Variants in PLCB1 observed in about 807,000 individuals in gnomAD.
PLCB1 encodes the protein phospholipase C beta 1.
Under a neutral mutation model 161.8 loss-of-function variants are expected in PLCB1, and 46 were observed. That is an observed-to-expected ratio of 0.28 (90% CI 0.22 to 0.36). The LOEUF is 0.36. Among genes scored for constraint, PLCB1 ranks in the 10% least tolerant of loss-of-function variants. PLCB1 has a pLI of 1.00. For missense variants in PLCB1, 1,016 were observed against 1,472.5 expected, an observed-to-expected ratio of 0.69 and a Z score of 5.07; for synonymous variants, 517 against 503.7, an observed-to-expected ratio of 1.03 and a Z score of -0.35.
chr20:8,367,069 G>T (rs573797631), intron 2 of PLCB1, among the ~76,000 whole-genome samples: 1 of 152,150 alleles, frequency 6.6e-6, no homozygotes, highest in Non-Finnish European at 1.5e-5. Context: ...ATCCTAAAGA[G>T]AAATTATTAA....
chr20:8,178,171 T>C (rs1039501843), intron 2 of PLCB1, among the ~76,000 whole-genome samples: 2 of 152,240 alleles, frequency 1.3e-5, no homozygotes, highest in African/African-American at 2.4e-5. Context: ...TGTGCATATG[T>C]CTTTATGATA....
At chr20:8,627,050 A>G (rs1988371744) in intron 3 of PLCB1, among the ~76,000 whole-genome samples, 1 of 152,154 alleles carries the variant, frequency 6.6e-6, no homozygotes, top group South Asian at 2.1e-4. Flanking sequence ...TGATCTTTCT[A>G]GGAGGCTTGA....
chr20:8,855,041 TTCTC>T (rs1987024378), intron 31 of PLCB1, among the ~76,000 whole-genome samples: 1 of 152,326 alleles, frequency 6.6e-6, no homozygotes, highest in African/African-American at 2.4e-5. Flanking sequence ...AATTTAAAAT[TTCTC>T]TCTGTTGCAG....
intron 3 of PLCB1, among the ~76,000 whole-genome samples, chr20:8,454,930 C>T (rs1330849111): frequency 1.3e-5 from 2 of 151,950 alleles, no homozygotes; most frequent in African/African-American, 2.4e-5. Context: ...ATGTCTTGAA[C>T]GTGGTCTGGT....
At chr20:8,178,751 G>A (rs975143772) in intron 2 of PLCB1, among the ~76,000 whole-genome samples, 1 of 152,130 alleles carries the variant, frequency 6.6e-6, no homozygotes, top group Non-Finnish European at 1.5e-5. Context: ...TTCTTCAGGG[G>A]TATTTACAGT....
intron 2 of PLCB1, among the ~76,000 whole-genome samples, chr20:8,242,710 A>G (rs1980685205): frequency 6.6e-6 from 1 of 151,946 alleles, no homozygotes; most frequent in Non-Finnish European, 1.5e-5. Context: ...GAAAGAAGGA[A>G]AAGCAGGATT....
chr20:8,226,870 G>A (rs1015580400), intron 2 of PLCB1, among the ~76,000 whole-genome samples: 1 of 151,956 alleles, frequency 6.6e-6, no homozygotes, highest in Non-Finnish European at 1.5e-5. Context: ...TGTATTTTTA[G>A]TAGAGACAGA....
intron 2 of PLCB1, among the ~76,000 whole-genome samples, chr20:8,357,311 A>T (rs1443293400): frequency 6.6e-6 from 1 of 152,182 alleles, no homozygotes; most frequent in Non-Finnish European, 1.5e-5. Flanking sequence ...AGCATATAGG[A>T]CCCAACTTCA....
intron 3 of PLCB1, among the ~76,000 whole-genome samples, chr20:8,452,017 CTA>C (rs1275503374): frequency 1.3e-5 from 2 of 151,962 alleles, no homozygotes; most frequent in African/African-American, 4.8e-5. Flanking sequence ...GAATTCTTTC[CTA>C]TTTTTAAAAT....
chr20:8,171,818 C>T (rs1280697188), intron 2 of PLCB1, among the ~76,000 whole-genome samples: 1 of 152,178 alleles, frequency 6.6e-6, no homozygotes, highest in Non-Finnish European at 1.5e-5. Context: ...AGAAATTCAT[C>T]TGAGAGCAGG....
At chr20:8,269,854 A>C (rs1982184711) in intron 2 of PLCB1, among the ~76,000 whole-genome samples, 2 of 152,120 alleles carry the variant, frequency 1.3e-5, no homozygotes, top group Admixed American at 1.3e-4. Context: ...AATAAATAAT[A>C]ATGTAAACAT....
At position 8,833,125 on chromosome 20, in the gene PLCB1, A is replaced by C. The variant is rs530594467; in HGVS notation, c.3423+42864A>C. ...GGTCTTCCATGTGGGCCCTAAATCC[A>C]ATGATGTGTGTATTAGTCTGTTCTC... On this transcript the variant is annotated intron_variant, in intron 31 of 31. Transcript: ENST00000338037. Among the ~76,000 whole-genome samples the C allele has an allele frequency of 5.3e-5, 8 of 152,344 alleles. No homozygotes were observed. The East Asian group carries it at 1.5e-3, about 29-fold the overall frequency.
intron 3 of PLCB1, among the ~76,000 whole-genome samples, chr20:8,394,812 TC>T (rs1987715592): frequency 6.6e-6 from 1 of 152,214 alleles, no homozygotes; most frequent in Admixed American, 6.5e-5. Flanking sequence ...GCATTTGCCA[TC>T]TATAGTATAT....
intron 3 of PLCB1, among the ~76,000 whole-genome samples, chr20:8,527,661 A>C (rs1984636046): frequency 6.6e-6 from 1 of 152,130 alleles, no homozygotes; most frequent in Non-Finnish European, 1.5e-5. Context: ...AGGGTTTCCA[A>C]GATGCTGAAA....
chr20:8,156,823 C>T (rs1384951632), intron 2 of PLCB1, among the ~76,000 whole-genome samples: 1 of 152,176 alleles, frequency 6.6e-6, no homozygotes, highest in Non-Finnish European at 1.5e-5. Flanking sequence ...TAGCATAACA[C>T]CTGCTACTTT....
At chr20:8,164,889 A>G (rs183139532) in intron 2 of PLCB1, among the ~76,000 whole-genome samples, 169 of 152,330 alleles carry the variant, frequency 1.1e-3, no homozygotes, top group Non-Finnish European at 1.6e-3. Flanking sequence ...AGGCTATGCC[A>G]GTTTAAGATA....
chr20:8,808,607 C>T (rs919589309), intron 31 of PLCB1, among the ~76,000 whole-genome samples: 7 of 152,180 alleles, frequency 4.6e-5, no homozygotes, highest in Non-Finnish European at 1.0e-4. Context: ...AAACTATCAT[C>T]TATTTACCTA....
intron 3 of PLCB1, among the ~76,000 whole-genome samples, chr20:8,461,256 A>G (rs1452097986): frequency 6.6e-6 from 1 of 152,168 alleles, no homozygotes; most frequent in Admixed American, 6.5e-5. Context: ...ATAGTAAATG[A>G]CATTCCTATT....
intron 3 of PLCB1, among the ~76,000 whole-genome samples, chr20:8,391,556 G>A (rs1377815370): frequency 6.6e-6 from 1 of 151,866 alleles, no homozygotes; most frequent in Non-Finnish European, 1.5e-5. Flanking sequence ...AAACTCCAGT[G>A]CACTTATTAG....
Sources: allele counts gnomAD v4.1 joint callset (sites outside exome capture counted in the v4.1 genomes callset), GRCh38; gene constraint gnomAD v4.1.1; transcripts MANE v1.5; gene names NCBI Gene and HGNC (gene_info 2026-07-23, HGNC 2026-07-21).